Variants in MDH1B observed in about 807,000 individuals in gnomAD.
MDH1B encodes putative malate dehydrogenase 1B.
In MDH1B, 60 loss-of-function variants were observed where a neutral mutation model predicts 61.4. That is an observed-to-expected ratio of 0.98 (90% confidence interval 0.79 to 1.21). MDH1B has a LOEUF of 1.21. Ranked by LOEUF, MDH1B falls within the 50% of genes most tolerant of loss-of-function variation. MDH1B has a pLI of 0.00. For missense variants in MDH1B, 587 were observed against 632.1 expected, an observed-to-expected ratio of 0.93 and a Z score of 0.76; for synonymous variants, 236 against 218.7, an observed-to-expected ratio of 1.08 and a Z score of -0.70.
chr2:206,748,944 G>C, intron 7 of MDH1B, 76 bp downstream of exon 7: 1 of 1,306,798 alleles, frequency 7.7e-7, no homozygotes, highest in South Asian at 1.4e-5. Flanking sequence ...CTAGATGGGT[G>C]GGGACACAGA....
intron 1 of MDH1B, among the ~76,000 whole-genome samples, chr2:206,763,311 C>T (rs1689212796): frequency 1.3e-5 from 2 of 150,526 alleles, no homozygotes; most frequent in Non-Finnish European, 3.0e-5. Flanking sequence ...CAATGTTTAA[C>T]TCCTTTTTCT....
chr2:206,750,603 C>T (rs1438939966), intron 6 of MDH1B, among the ~76,000 whole-genome samples: 2 of 151,854 alleles, frequency 1.3e-5, no homozygotes, highest in Non-Finnish European at 2.9e-5. Flanking sequence ...TTCTTGAAAA[C>T]GTTTCAATTA....
At chr2:206,744,278 C>T (rs1281518613) in intron 9 of MDH1B, among the ~76,000 whole-genome samples, 1 of 152,212 alleles carries the variant, frequency 6.6e-6, no homozygotes, top group African/African-American at 2.4e-5. Context: ...TGATGGACTG[C>T]AGGTTCCCAG....
At chr2:206,739,514 C>T (rs1310342923) in intron 11 of MDH1B, 79 bp downstream of exon 11, 3 of 1,304,642 alleles carry the variant, frequency 2.3e-6, no homozygotes, top group Non-Finnish European at 3.3e-6. Context: ...AATAGTATTG[C>T]AAGGAAATTT....
intron 9 of MDH1B, chr2:206,741,372 C>G: frequency 2.0e-6 from 1 of 490,434 alleles, no homozygotes. Context: ...AAGTATTGAT[C>G]CTGGGTGTGT....
chr2:206,750,376 T>TAA (rs1457141848), intron 6 of MDH1B, among the ~76,000 whole-genome samples: 59 of 142,904 alleles, frequency 4.1e-4, no homozygotes, highest in African/African-American at 9.4e-4. Context: ...ACAGAGAGGC[T>TAA]GCTTAGCCTC....
rs571040340 is a variant in MDH1B at position 206,746,872 on chromosome 2, C to G, written c.1217-446G>C. 8.8e-4 allele frequency among the ~76,000 whole-genome samples: 134 copies of G among 152,244 alleles called. 2 individuals are homozygous for G. The South Asian group carries it at 0.027, about 31-fold the overall frequency. ...GGCAGGAAATTTGGTTATTCCTTTG[C>G]AGCCCCCAGTTTGCCATGTGTTTTG... On this transcript the variant is annotated intron_variant, in intron 7 of 11. Coordinates refer to ENST00000374412, the MANE Select transcript of MDH1B (RefSeq NM_001039845.3).
chr2:206,760,191 C>G (rs2105953648), intron 2 of MDH1B, among the ~76,000 whole-genome samples: 1 of 152,298 alleles, frequency 6.6e-6, no homozygotes, highest in East Asian at 1.9e-4. Flanking sequence ...CTCCCAGGCA[C>G]CTGGTGTATT....
intron 10 of MDH1B, 55 bp from the exon 11 acceptor site, chr2:206,739,716 C>T: frequency 1.3e-6 from 2 of 1,500,534 alleles, no homozygotes; most frequent in South Asian, 1.2e-5. Context: ...ATAATTTTTG[C>T]AGTTATTTCC....
At chr2:206,738,667 A>T (rs1004826544) in intron 11 of MDH1B, among the ~76,000 whole-genome samples, 156 bp from the exon 12 acceptor site, 2 of 152,214 alleles carry the variant, frequency 1.3e-5, no homozygotes, top group Non-Finnish European at 2.9e-5. Flanking sequence ...AAATAAAGCC[A>T]TGAGATCATA....
At position 206,759,382 on chromosome 2, in the gene MDH1B, C is replaced by T. The variant is rs139948112; in HGVS notation, c.135+1519G>A. Among the ~76,000 whole-genome samples the T allele has an allele frequency of 2.2e-3, 338 of 152,238 alleles. 2 individuals are homozygous for T. The highest frequency in any genetic ancestry group is 7.6e-3 in the African/African-American group (314 of 41,520). On this transcript the variant is annotated intron_variant, in intron 2 of 11. Transcript: ENST00000374412. ...ACCACATTTTCTTTCTCCAGTCTATCATTGATAGGCATTTGGGTTGATTCC... is the reference window on the plus strand; with the variant it reads ...ACCACATTTTCTTTCTCCAGTCTATTATTGATAGGCATTTGGGTTGATTCC...
At chr2:206,750,018 G>C (rs1688339458) in intron 6 of MDH1B, among the ~76,000 whole-genome samples, 1 of 152,134 alleles carries the variant, frequency 6.6e-6, no homozygotes, top group Non-Finnish European at 1.5e-5. Context: ...ATGCAACACT[G>C]GTCCTGCCCA....
At chr2:206,741,797 G>A (rs1687828138) in intron 9 of MDH1B, among the ~76,000 whole-genome samples, 1 of 152,112 alleles carries the variant, frequency 6.6e-6, no homozygotes, top group African/African-American at 2.4e-5. Flanking sequence ...AAAATATTAA[G>A]GATGGAGTTC....
chr2:206,749,711 C>T (rs1688325821), intron 6 of MDH1B, among the ~76,000 whole-genome samples: 1 of 152,126 alleles, frequency 6.6e-6, no homozygotes, highest in African/African-American at 2.4e-5. Context: ...TACACATAGC[C>T]TGAAGGTAAT....
At chr2:206,752,314 G>T (rs974761380) in intron 5 of MDH1B, among the ~76,000 whole-genome samples, 25 of 152,192 alleles carry the variant, frequency 1.6e-4, no homozygotes, top group African/African-American at 6.0e-4. Flanking sequence ...TAGTTGCAAT[G>T]AAGCTAAGAA....
At chr2:206,747,715 G>A (rs2105927599) in intron 7 of MDH1B, among the ~76,000 whole-genome samples, 1 of 152,326 alleles carries the variant, frequency 6.6e-6, no homozygotes, top group Non-Finnish European at 1.5e-5. Flanking sequence ...AAAATGCTAT[G>A]TGGGGATACG....
intron 8 of MDH1B, among the ~76,000 whole-genome samples, chr2:206,746,001 T>C (rs1173624001): frequency 6.6e-6 from 1 of 152,152 alleles, no homozygotes. Flanking sequence ...CCCAAAGTAT[T>C]ACAGGCATGA....
At chr2:206,763,700 C>A (rs187293742) in intron 1 of MDH1B, among the ~76,000 whole-genome samples, 1 of 152,274 alleles carries the variant, frequency 6.6e-6, no homozygotes, top group Non-Finnish European at 1.5e-5. Context: ...TCCTAATAAA[C>A]TTATTTCAAT....
chr2:206,763,704 T>C (rs1235080929), intron 1 of MDH1B, among the ~76,000 whole-genome samples: 3 of 152,350 alleles, frequency 2.0e-5, no homozygotes, highest in Non-Finnish European at 2.9e-5. Flanking sequence ...AATAAACTTA[T>C]TTCAATTTTA....
Sources: allele counts gnomAD v4.1 joint callset (sites outside exome capture counted in the v4.1 genomes callset), GRCh38; gene constraint gnomAD v4.1.1; transcripts MANE v1.5; gene names NCBI Gene and HGNC (gene_info 2026-07-23, HGNC 2026-07-21).